Variants in CARMIL1 observed in about 807,000 individuals in gnomAD.
CARMIL1 encodes F-actin-uncapping protein LRRC16A.
Under a neutral mutation model 177.1 loss-of-function variants are expected in CARMIL1, and 90 were observed. The observed-to-expected ratio is 0.51, with a 90% CI of 0.43 to 0.61. The LOEUF is 0.61. Ranked by LOEUF, CARMIL1 falls within the 20% of genes least tolerant of loss-of-function variation. The pLI, the probability that CARMIL1 is intolerant of heterozygous loss-of-function variation, is 0.00. For synonymous variants in CARMIL1, 577 were observed against 606.2 expected (o/e 0.95, Z 0.71); for missense variants, 1,380 against 1,667.0 (o/e 0.83, Z 3.00).
chr6:25,459,994 T>C (rs961028316), intron 8 of CARMIL1, among the ~76,000 whole-genome samples: 5 of 152,220 alleles, frequency 3.3e-5, no homozygotes, highest in African/African-American at 1.2e-4. Flanking sequence ...GGACTGGTGA[T>C]GGTAAAAAGC....
Position 25,279,451 on chromosome 6 carries a change from A to T in CARMIL1, c.-345A>T. 2.4e-6 allele frequency: 1 copy of T among 411,124 alleles called. No homozygotes were observed. The highest frequency in any genetic ancestry group is 4.5e-6 in the Non-Finnish European group (1 of 224,096). The allele number at this position is 411,124 out of a possible 1,614,324, so 25.5% of individuals were successfully genotyped here. A position where few individuals can be genotyped will look rare whatever the true frequency, so the allele number is the denominator to read the frequency against. On this transcript the variant is annotated 5_prime_UTR_variant, in exon 1 of 37. It adds an upstream start codon to the 5' untranslated region. Transcript: ENST00000329474. Reference sequence around the variant, plus strand: ...GCTGGGCGGGAGCTACGCCGGCCCAAGCCCCGCCGGGGACCAGCGAGCCGG... The same window carrying T: ...GCTGGGCGGGAGCTACGCCGGCCCATGCCCCGCCGGGGACCAGCGAGCCGG...
intron 9 of CARMIL1, among the ~76,000 whole-genome samples, chr6:25,466,970 A>C (rs1307853966): frequency 1.3e-5 from 2 of 152,178 alleles, no homozygotes; most frequent in African/African-American, 4.8e-5. Flanking sequence ...AGCTTCCTGC[A>C]CACCTGTTAT....
Position 25,540,015 on chromosome 6 carries a change from A to C in CARMIL1, c.2265A>C (p.Pro755=), listed in dbSNP as rs749274042. 1.9e-6 allele frequency: 3 copies of C among 1,609,312 alleles called. No homozygotes were observed. Among genetic ancestry groups the C allele is most frequent in the Non-Finnish European group, 2.5e-6 (3 of 1,177,894 alleles). ...GAGCCAGTGGCTTACTATCCAGTCC[A>C]ATTCAGGAGACCCTGGAATCAATGG... ...WAGASGLLSS[P]IQETLESMAG... Residue 755 remains proline, a synonymous_variant, in exon 26 of 37, where the codon CCA becomes CCC. Coordinates refer to ENST00000329474, the MANE Select transcript of CARMIL1 (RefSeq NM_017640.6).
At chr6:25,418,102 C>G (rs192271518) in intron 2 of CARMIL1, among the ~76,000 whole-genome samples, 1 of 152,230 alleles carries the variant, frequency 6.6e-6, no homozygotes, top group East Asian at 1.9e-4. Context: ...GTAAATGCAG[C>G]CAGAAAGTGG....
In CARMIL1 at chr6:25,434,518, A is replaced by ATT. The variant is rs5875039; in HGVS notation, c.250-941_250-940dup. Among the ~76,000 whole-genome samples the ATT allele has an allele frequency of 1.9e-3, 192 of 101,668 alleles. 1 individual carries two copies. Among genetic ancestry groups the ATT allele is most frequent in the African/African-American group, 4.2e-3 (113 of 26,678 alleles). 66.7% of individuals were successfully genotyped at this position (101,668 alleles called of 152,430 possible). A position where few individuals can be genotyped will look rare whatever the true frequency, so the allele number is the denominator to read the frequency against. ...CCCTCTTCTTAGAAAGCTCAAAACCATTTTTTTTTTTTTTTTTTTTTTTTT... is the reference window on the plus strand; with the variant it reads ...CCCTCTTCTTAGAAAGCTCAAAACCATTTTTTTTTTTTTTTTTTTTTTTTTTT... On this transcript the variant is annotated intron_variant, in intron 4 of 36. Coordinates refer to ENST00000329474, the MANE Select transcript of CARMIL1 (RefSeq NM_017640.6).
chr6:25,470,658 A>G (rs2150937859), intron 9 of CARMIL1, among the ~76,000 whole-genome samples: 1 of 152,342 alleles, frequency 6.6e-6, no homozygotes, highest in Non-Finnish European at 1.5e-5. Flanking sequence ...AGAGAAGTCC[A>G]AGATCAAGGC....
chr6:25,378,329 A>G (rs1326009929), intron 2 of CARMIL1, among the ~76,000 whole-genome samples: 2 of 152,220 alleles, frequency 1.3e-5, no homozygotes, highest in Non-Finnish European at 2.9e-5. Flanking sequence ...CATGGCCTTC[A>G]GGCCACATTT....
At chr6:25,323,020 T>C (rs1170472969) in intron 2 of CARMIL1, among the ~76,000 whole-genome samples, 1 of 152,188 alleles carries the variant, frequency 6.6e-6, no homozygotes, top group Non-Finnish European at 1.5e-5. Context: ...AATTCATTTT[T>C]TCCAGGCGCA....
intron 8 of CARMIL1, among the ~76,000 whole-genome samples, chr6:25,464,208 C>T (rs541931709): frequency 6.6e-6 from 1 of 152,162 alleles, no homozygotes; most frequent in Non-Finnish European, 1.5e-5. Flanking sequence ...GAAAACCTGG[C>T]ATGTGGAAAC....
At chr6:25,373,438 G>C (rs569259115) in intron 2 of CARMIL1, among the ~76,000 whole-genome samples, 76 of 141,628 alleles carry the variant, frequency 5.4e-4, no homozygotes, top group Non-Finnish European at 9.7e-4. Flanking sequence ...ATTTCTTCCT[G>C]ATTCAAGCTA....
intron 35 of CARMIL1, among the ~76,000 whole-genome samples, chr6:25,607,680 A>G (rs3827500): frequency 0.29 from 43,876 of 152,072 alleles, 6,405 homozygotes; most frequent in Non-Finnish European, 0.3. Context: ...ATGAGCAAAA[A>G]GGTAGAATCC....
intron 12 of CARMIL1, 87 bp from the exon 13 acceptor site, chr6:25,488,395 A>T: frequency 1.1e-6 from 1 of 930,982 alleles, no homozygotes; most frequent in Non-Finnish European, 1.8e-6. Flanking sequence ...CTGCAATTTG[A>T]TGGAAGTGTT....
intron 2 of CARMIL1, among the ~76,000 whole-genome samples, chr6:25,390,317 TATA>T (rs143727007): frequency 0.069 from 2,749 of 40,122 alleles, 58 homozygotes; most frequent in Middle Eastern, 0.1. Context: ...TATATATATA[TATA>T]TTTTTTTTTT....
chr6:25,355,776 T>C (rs1788534695), intron 2 of CARMIL1, among the ~76,000 whole-genome samples: 1 of 152,256 alleles, frequency 6.6e-6, no homozygotes, highest in South Asian at 2.1e-4. Flanking sequence ...TTTTTAATTC[T>C]GGTAAAAAGA....
chr6:25,574,082 A>G (rs994669844), intron 29 of CARMIL1, among the ~76,000 whole-genome samples: 1 of 152,104 alleles, frequency 6.6e-6, no homozygotes, highest in East Asian at 1.9e-4. Context: ...TCCATCCCCA[A>G]GCTATTATGA....
intron 2 of CARMIL1, among the ~76,000 whole-genome samples, chr6:25,347,728 TA>T (rs1349487271): frequency 1.3e-5 from 2 of 152,240 alleles, no homozygotes; most frequent in Non-Finnish European, 2.9e-5. Context: ...GTAAATGGAT[TA>T]AAACTGAGAA....
At chr6:25,478,051 G>T (rs1801741760) in intron 11 of CARMIL1, among the ~76,000 whole-genome samples, 2 of 151,774 alleles carry the variant, frequency 1.3e-5, no homozygotes, top group Non-Finnish European at 2.9e-5. Flanking sequence ...TAGTGATGTG[G>T]TCTCACTCTG....
rs950336810 is a variant in CARMIL1 at position 25,370,976 on chromosome 6, C to T, written c.139-49138C>T. On this transcript the variant is annotated intron_variant, in intron 2 of 36. Transcript: ENST00000329474. ...AAATGACTCTGTATGCTTTTGTGTA[C>T]CCATAGTTTAGCTCCCACTTATAAG... 2.0e-5 allele frequency among the ~76,000 whole-genome samples: 3 copies of T among 152,038 alleles called. No homozygotes were observed. In the South Asian group the frequency reaches 6.2e-4, roughly 32 times the overall value.
chr6:25,484,190 A>G (rs1368349296), intron 12 of CARMIL1, among the ~76,000 whole-genome samples: 1 of 152,138 alleles, frequency 6.6e-6, no homozygotes, highest in Non-Finnish European at 1.5e-5. Context: ...TGTCCATCAC[A>G]TTTGATTGTG....
Sources: allele counts gnomAD v4.1 joint callset (sites outside exome capture counted in the v4.1 genomes callset), GRCh38; gene constraint gnomAD v4.1.1; transcripts MANE v1.5; gene names NCBI Gene and HGNC (gene_info 2026-07-23, HGNC 2026-07-21).